The following AP4S1 variants were observed in gnomAD, a reference collection of about 807,000 sequenced individuals.
AP4S1 encodes AP-4 complex subunit sigma-1.
Under a neutral mutation model 19.8 loss-of-function variants are expected in AP4S1, and 23 were observed. That is an observed-to-expected ratio of 1.16 (90% confidence interval 0.84 to 1.65). The LOEUF (loss-of-function observed/expected upper bound fraction) is 1.65. AP4S1 is among the 40% of genes most tolerant of loss of function. The pLI is 0.00. For synonymous variants in AP4S1, 46 were observed against 54.1 expected (o/e 0.85, Z 0.66); for missense variants, 166 against 172.8 (o/e 0.96, Z 0.22).
At chr14:31,058,521 GTGTGTA>G (rs1164423475) in intron 1 of AP4S1, among the ~76,000 whole-genome samples, 1,720 of 89,032 alleles carry the variant, frequency 0.019, 29 homozygotes, top group African/African-American at 0.051. Context: ...CCATCTCTGT[GTGTGTA>G]TGTGTGTGTG....
intron 1 of AP4S1, among the ~76,000 whole-genome samples, chr14:31,029,952 C>G (rs1191476886): frequency 1.3e-5 from 2 of 151,200 alleles, no homozygotes; most frequent in Non-Finnish European, 2.9e-5. Flanking sequence ...TAGCCTCCCT[C>G]CCATGCTTAT....
intron 4 of AP4S1, among the ~76,000 whole-genome samples, chr14:31,074,799 G>A (rs1006499657): frequency 6.7e-6 from 1 of 148,986 alleles, no homozygotes; most frequent in Admixed American, 6.9e-5. Flanking sequence ...ACAAAGAAAC[G>A]TACCCATTAG....
intron 5 of AP4S1, chr14:31,084,763 T>C (rs1172170067): frequency 1.9e-6 from 3 of 1,614,048 alleles, no homozygotes; most frequent in African/African-American, 1.3e-5. Context: ...AAGGTGTTTT[T>C]TTTAGGAACC....
intron 1 of AP4S1, among the ~76,000 whole-genome samples, chr14:31,058,887 G>A (rs148433903): frequency 1.3e-4 from 20 of 151,772 alleles, no homozygotes; most frequent in Non-Finnish European, 2.2e-4. Flanking sequence ...CTTGTGTGTC[G>A]TTAAATGCAA....
chr14:31,067,914 G>A (rs1886812070), intron 2 of AP4S1, among the ~76,000 whole-genome samples: 1 of 151,644 alleles, frequency 6.6e-6, no homozygotes, highest in Admixed American at 6.6e-5. Flanking sequence ...TCTTGCCCAG[G>A]CTGGAGTGCA....
intron 1 of AP4S1, among the ~76,000 whole-genome samples, chr14:31,054,275 A>G (rs1885974025): frequency 6.6e-6 from 1 of 152,250 alleles, no homozygotes; most frequent in South Asian, 2.1e-4. Context: ...TATAACCCAT[A>G]GTATAAAATA....
chr14:31,069,591 CAAG>C (rs1308766253), intron 2 of AP4S1, among the ~76,000 whole-genome samples: 3 of 152,158 alleles, frequency 2.0e-5, no homozygotes, highest in African/African-American at 7.2e-5. Context: ...AGCAAAGGAA[CAAG>C]AAGGAGTGTA....
chr14:31,092,549 A>C (rs902767364), intron 5 of AP4S1, among the ~76,000 whole-genome samples: 5 of 149,436 alleles, frequency 3.3e-5, no homozygotes, highest in Non-Finnish European at 7.4e-5. Flanking sequence ...TGCTACTGTT[A>C]CTATTATTGT....
At chr14:31,034,179 C>T (rs552609144) in intron 1 of AP4S1, among the ~76,000 whole-genome samples, 29 of 152,282 alleles carry the variant, frequency 1.9e-4, no homozygotes, top group Non-Finnish European at 3.4e-4. Flanking sequence ...CCCAGTAAAT[C>T]TATGCTAAAG....
chr14:31,080,233 G>T (rs1233306500), intron 4 of AP4S1, among the ~76,000 whole-genome samples: 1 of 152,104 alleles, frequency 6.6e-6, no homozygotes, highest in Non-Finnish European at 1.5e-5. Context: ...TAGAAGTAAC[G>T]TCAGTGGATT....
At chr14:31,039,833 C>T (rs1483932844) in intron 1 of AP4S1, among the ~76,000 whole-genome samples, 1 of 151,966 alleles carries the variant, frequency 6.6e-6, no homozygotes, top group Non-Finnish European at 1.5e-5. Context: ...TCGTGATCCG[C>T]CCGTCTCGGC....
At chr14:31,032,252 G>C (rs1884441300) in intron 1 of AP4S1, among the ~76,000 whole-genome samples, 1 of 152,070 alleles carries the variant, frequency 6.6e-6, no homozygotes, top group South Asian at 2.1e-4. Context: ...GCATGGTGCA[G>C]GCGTCACCTT....
chr14:31,080,233 G>C (rs1233306500), intron 4 of AP4S1, among the ~76,000 whole-genome samples: 3 of 152,104 alleles, frequency 2.0e-5, no homozygotes, highest in Non-Finnish European at 2.9e-5. Flanking sequence ...TAGAAGTAAC[G>C]TCAGTGGATT....
intron 1 of AP4S1, among the ~76,000 whole-genome samples, chr14:31,036,031 G>C (rs915886439): frequency 6.8e-6 from 1 of 147,732 alleles, no homozygotes; most frequent in Non-Finnish European, 1.5e-5. Context: ...TGCCTGGCCA[G>C]AGACCAGGTT....
chr14:31,033,431 C>G (rs549292632), intron 1 of AP4S1, among the ~76,000 whole-genome samples: 204 of 152,126 alleles, frequency 1.3e-3, no homozygotes, highest in African/African-American at 4.4e-3. Flanking sequence ...CCAGGCTGGC[C>G]TTGAACTCCT....
chr14:31,061,892 G>T (rs1056560835), intron 1 of AP4S1, among the ~76,000 whole-genome samples: 10 of 151,668 alleles, frequency 6.6e-5, no homozygotes, highest in African/African-American at 2.4e-4. Flanking sequence ...CGCCCGCCTC[G>T]GCCTCCCAAA....
chr14:31,075,886 T>A (rs1450847045), intron 4 of AP4S1, among the ~76,000 whole-genome samples: 1 of 152,002 alleles, frequency 6.6e-6, no homozygotes, highest in Admixed American at 6.6e-5. Context: ...ATTACAGGCA[T>A]GCACCACCAT....
intron 1 of AP4S1, among the ~76,000 whole-genome samples, chr14:31,038,763 ATAGT>A (rs1438960227): frequency 6.6e-6 from 1 of 152,210 alleles, no homozygotes; most frequent in African/African-American, 2.4e-5. Flanking sequence ...TTAAATAGAT[ATAGT>A]TAAAGCATTC....
At chr14:31,026,848 A>G (rs970011266) in intron 1 of AP4S1, 3 of 150,448 alleles carry the variant, frequency 2.0e-5, no homozygotes, top group African/African-American at 4.9e-5. Flanking sequence ...CGGATTCCTG[A>G]CGTTTCTTTT....
Sources: gnomAD v4.1 joint callset for allele counts (sites outside exome capture counted in the v4.1 genomes callset) on GRCh38, gnomAD v4.1.1 for gene constraint, MANE v1.5 for transcripts, NCBI Gene and HGNC (gene_info 2026-07-23, HGNC 2026-07-21) for gene names.